Variants in PKMYT1 observed in about 807,000 individuals in gnomAD.
PKMYT1 encodes membrane-associated tyrosine- and threonine-specific cdc2-inhibitory kinase.
A neutral mutation model predicts 49.7 loss-of-function variants in PKMYT1; 35 were observed. That is an observed-to-expected ratio of 0.70 (90% CI 0.54 to 0.93). The LOEUF is 0.93. Ranked by LOEUF, PKMYT1 falls within the 40% of genes least tolerant of loss-of-function variation. The probability of loss-of-function intolerance (pLI) is 0.00; values close to 1 mark genes in which losing one functional copy is unlikely to be tolerated. For missense variants in PKMYT1, 677 were observed against 673.1 expected (o/e 1.01, Z -0.06); for synonymous variants, 331 against 287.6 (o/e 1.15, Z -1.53).
chr16:2,978,899 C>T (rs2072269538), intron 2 of PKMYT1, among the ~76,000 whole-genome samples: 1 of 151,384 alleles, frequency 6.6e-6, no homozygotes, highest in Admixed American at 6.6e-5. Context: ...CTCCGACTCC[C>T]AGGTTCAAGT....
chr16:2,978,908 G>A (rs932530841), intron 2 of PKMYT1, among the ~76,000 whole-genome samples: 1 of 150,748 alleles, frequency 6.6e-6, no homozygotes, highest in Admixed American at 6.6e-5. Context: ...CCAGGTTCAA[G>A]TAATTCTCTT....
rs138503467 is a variant in PKMYT1 at position 2,974,226 on chromosome 16, G to A, written c.1152+19C>T. ...GGGCTGGGGAGCAGGGCAGGCAGCC[G>A]CCACTGTCGGGAGCTTACCTGCCAC... is the stretch of plus-strand genomic sequence containing the variant. On this transcript the variant is annotated intron_variant, in intron 6 of 8. Coordinates refer to ENST00000262300, the MANE Select transcript of PKMYT1 (RefSeq NM_004203.5). The A allele has an allele frequency of 3.2e-3, 4,928 of 1,556,722 alleles. 14 individuals are homozygous for A. Among genetic ancestry groups the A allele is most frequent in the Non-Finnish European group, 3.3e-3 (3,822 of 1,151,126 alleles).
chr16:2,976,078 T>G, intron 3 of PKMYT1: 1 of 442,728 alleles, frequency 2.3e-6, no homozygotes. Flanking sequence ...TGTCACGAGG[T>G]GGAAAAAGCA....
At chr16:2,978,735 G>A (rs1301835610) in intron 2 of PKMYT1, among the ~76,000 whole-genome samples, 6 of 137,150 alleles carry the variant, frequency 4.4e-5, no homozygotes, top group African/African-American at 1.4e-4. Context: ...GCAACAGAGC[G>A]AGACTCTGTC....
chr16:2,975,396 C>A lies in PKMYT1; in HGVS notation c.795G>T (p.Glu265Asp), dbSNP rs1369073068. 2.5e-6 allele frequency: 4 copies of A among 1,613,056 alleles called. No homozygotes were observed. The South Asian group carries it at 4.4e-5, about 18-fold the overall frequency. Residue 265 changes from glutamate (E) to aspartate (D), a missense_variant, in exon 4 of 9, where the codon GAG becomes GAT. By Grantham distance (45) the Glu-to-Asp change is conservative. Coordinates refer to ENST00000262300, the MANE Select transcript of PKMYT1 (RefSeq NM_004203.5). ...TGTAGCGGGGGTCTCCCTCCTGGAC[C>A]TCACCAGCTCCTGCTGTACCCAGCT... Reference protein sequence around the residue: ...LVELGTAGAGEVQEGDPRYMA... With the variant: ...LVELGTAGAGDVQEGDPRYMA...
rs754508022 is a variant in PKMYT1, at chr16:2,977,016, G to T, written c.26C>A (p.Ala9Asp). The T allele has an allele frequency of 6.3e-7, 1 of 1,585,832 alleles. No individual in the cohort carries two copies. Among genetic ancestry groups the T allele is most frequent in the Non-Finnish European group, 8.5e-7 (1 of 1,170,952 alleles). Residue 9 changes from alanine (A) to aspartate (D), a missense_variant, in exon 3 of 9, where the codon GCC becomes GAC. Ala to Asp is a moderately radical substitution (Grantham distance 126, BLOSUM62 -2). Coordinates refer to ENST00000262300, the MANE Select transcript of PKMYT1 (RefSeq NM_004203.5). Reference protein sequence around the residue: MLERPPALAMPMPTEGTPP... With the variant: MLERPPALDMPMPTEGTPP... ...GGTGCCCTCCGTGGGCATGGGCATG[G>T]CCAGTGCAGGAGGCCCTGGGGGCAG...
At chr16:2,973,393 C>G in intron 7 of PKMYT1, 178 bp from the exon 8 acceptor site, 1 of 1,537,590 alleles carries the variant, frequency 6.5e-7, no homozygotes. Context: ...CTTCAAAGTC[C>G]TTCCATCTGG....
chr16:2,977,846 C>A (rs1391189584), intron 2 of PKMYT1, among the ~76,000 whole-genome samples: 2 of 152,248 alleles, frequency 1.3e-5, no homozygotes, highest in African/African-American at 4.8e-5. Context: ...GTTCTCAGCA[C>A]TTCTCAACCC....
chr16:2,978,290 C>T (rs775022189), intron 2 of PKMYT1, among the ~76,000 whole-genome samples: 21 of 152,118 alleles, frequency 1.4e-4, no homozygotes, highest in Non-Finnish European at 1.9e-4. Context: ...TTTGGTGGTG[C>T]GCCATTAAGA....
At chr16:2,975,964 TAAC>T (rs2072180008) in intron 3 of PKMYT1, 152 bp from the exon 4 acceptor site, 2 of 822,600 alleles carry the variant, frequency 2.4e-6, no homozygotes, top group Non-Finnish European at 3.7e-6. Flanking sequence ...CCCAGGGTAA[TAAC>T]AAAACCAGAC....
At chr16:2,975,202 G>T in intron 4 of PKMYT1, 117 bp downstream of exon 4, 1 of 1,250,896 alleles carries the variant, frequency 8.0e-7, no homozygotes. Flanking sequence ...TCAGCCTTGT[G>T]GCTCTGAGGC....
rs1255729586 is a variant in PKMYT1, at chr16:2,972,932, T to G, written c.*21A>C. The G allele has an allele frequency of 5.7e-6, 9 of 1,586,260 alleles. No individual in the cohort carries two copies. On this transcript the variant is annotated 3_prime_UTR_variant, in exon 9 of 9. Coordinates refer to ENST00000262300, the MANE Select transcript of PKMYT1 (RefSeq NM_004203.5). Reference sequence around the variant, plus strand: ...GAGACACAGGATAAAAGGTTAAAAGTGCAGAGGCAGAGTCTGGGGCTCAGG... The same window carrying G: ...GAGACACAGGATAAAAGGTTAAAAGGGCAGAGGCAGAGTCTGGGGCTCAGG...
intron 2 of PKMYT1, among the ~76,000 whole-genome samples, chr16:2,978,747 C>CA (rs145730606): frequency 0.3 from 39,605 of 133,584 alleles, 5,828 homozygotes; most frequent in East Asian, 0.49. Flanking sequence ...GACTCTGTCT[C>CA]AAAAAAAAAA....
Position 2,975,566 on chromosome 16 carries a change from G to C in PKMYT1, c.625C>G (p.Gln209Glu). ...GTGTCCCGCAGGTAGCCCCAGACCT[G>C]GGCCTCAGGCAGGCTGGCACCCCAG... Reference protein sequence around the residue: ...EAWGASLPEAQVWGYLRDTLL... With the variant: ...EAWGASLPEAEVWGYLRDTLL... Residue 209 changes from glutamine (Q) to glutamate (E), a missense_variant, in exon 4 of 9, where the codon CAG becomes GAG. Coordinates refer to ENST00000262300, the MANE Select transcript of PKMYT1 (RefSeq NM_004203.5). 6.2e-7 allele frequency: 1 copy of C among 1,611,814 alleles called. No individual in the cohort carries two copies. Among genetic ancestry groups the C allele is most frequent in the Non-Finnish European group, 8.5e-7 (1 of 1,179,804 alleles).
chr16:2,973,917 C>T, intron 7 of PKMYT1, 83 bp downstream of exon 7: 1 of 1,434,776 alleles, frequency 7.0e-7, no homozygotes, highest in Non-Finnish European at 9.6e-7. Context: ...GGGAGTGGTC[C>T]CCATTCACCA....
In PKMYT1 at chr16:2,974,093, G is replaced by C. The variant is rs753795744; in HGVS notation, c.1217C>G (p.Pro406Arg). 79 of 1,609,060 alleles carry C rather than the reference G, an allele frequency of 4.9e-5. No individual in the cohort carries two copies. Among genetic ancestry groups the C allele is most frequent in the Non-Finnish European group, 6.3e-5 (74 of 1,178,248 alleles). ...GLAHPASWLQ[P>R]LGPPATPPGS... ...AGGCGGGGTGGCTGGCGGGCCCAGGGGCTGTAGCCAGCTGGCAGGGTGAGC... is the reference window on the plus strand; with the variant it reads ...AGGCGGGGTGGCTGGCGGGCCCAGGCGCTGTAGCCAGCTGGCAGGGTGAGC... The change falls in exon 7 of 9, where the codon CCC becomes CGC. Residue 406 changes from proline to arginine, a missense_variant. Transcript: ENST00000262300.
At position 2,972,988 on chromosome 16, in the gene PKMYT1, G is replaced by A; in HGVS notation, c.1465C>T (p.Leu489Phe). ...SFPSFEPRNLLSLFEDTLDPT is the reference protein window; with the variant it reads ...SFPSFEPRNLFSLFEDTLDPT Reference sequence around the variant, plus strand: ...TCTAGGGTGTCCTCAAACAGGCTGAGGAGGTTCCGAGGCTCAAAGGAGGGG... The same window carrying A: ...TCTAGGGTGTCCTCAAACAGGCTGAAGAGGTTCCGAGGCTCAAAGGAGGGG... The change falls in exon 9 of 9, where the codon CTC (leucine) becomes TTC (phenylalanine). Residue 489 changes from leucine to phenylalanine, a missense_variant. Coordinates refer to ENST00000262300, the MANE Select transcript of PKMYT1 (RefSeq NM_004203.5). The A allele has an allele frequency of 6.2e-7, 1 of 1,610,368 alleles. No individual in the cohort carries two copies. Among genetic ancestry groups the A allele is most frequent in the Non-Finnish European group, 8.5e-7 (1 of 1,179,182 alleles).
intron 1 of PKMYT1, 72 bp from the exon 2 acceptor site, chr16:2,979,984 G>C: frequency 5.0e-6 from 2 of 401,826 alleles, no homozygotes; most frequent in South Asian, 6.0e-5. Flanking sequence ...AGGCTGTCCC[G>C]GGGCAGGGGC....
At chr16:2,977,613 T>C in intron 2 of PKMYT1, 4 of 484,556 alleles carry the variant, frequency 8.3e-6, no homozygotes, top group Non-Finnish European at 1.1e-5. Flanking sequence ...CCTCTGGGCA[T>C]GGTGCCCAGG....
Sources: allele counts gnomAD v4.1 joint callset (sites outside exome capture counted in the v4.1 genomes callset), GRCh38; gene constraint gnomAD v4.1.1; transcripts MANE v1.5; gene names NCBI Gene and HGNC (gene_info 2026-07-23, HGNC 2026-07-21).